The following XKR6 variants were observed in gnomAD, a reference collection of about 807,000 sequenced individuals.
The protein encoded by XKR6 is XK related 6, also known as XK-related protein 6.
XKR6 carries 22 observed loss-of-function variants against 56.7 expected under a neutral mutation model. That is an observed-to-expected ratio of 0.39 (90% CI 0.28 to 0.55). XKR6 has a LOEUF of 0.55. XKR6 is among the 20% of genes least tolerant of loss of function. The probability of loss-of-function intolerance (pLI) is 0.66; values close to 1 mark genes in which losing one functional copy is unlikely to be tolerated. For missense variants in XKR6, 852 were observed against 889.0 expected, an observed-to-expected ratio of 0.96 and a Z score of 0.53; for synonymous variants, 524 against 387.8, an observed-to-expected ratio of 1.35 and a Z score of -4.13.
chr8:11,002,314 G>A (rs1281704757), intron 1 of XKR6: 1 of 219,286 alleles, frequency 4.6e-6, no homozygotes, highest in South Asian at 5.5e-5. Context: ...TGAAGAGCTG[G>A]AATGGAAGTA....
At chr8:11,171,332 G>A (rs1196093800) in intron 1 of XKR6, among the ~76,000 whole-genome samples, 2 of 152,222 alleles carry the variant, frequency 1.3e-5, no homozygotes, top group East Asian at 1.9e-4. Context: ...ATATCCTGTC[G>A]TCTACTTAAC....
At chr8:10,975,752 C>T (rs370982191) in intron 1 of XKR6, among the ~76,000 whole-genome samples, 116 of 152,314 alleles carry the variant, frequency 7.6e-4, no homozygotes, top group Non-Finnish European at 1.1e-3. Flanking sequence ...ACCGCAAGGC[C>T]GAGTCACACT....
intron 1 of XKR6, among the ~76,000 whole-genome samples, chr8:11,110,256 A>G (rs1303929214): frequency 5.3e-5 from 8 of 152,190 alleles, no homozygotes; most frequent in Admixed American, 5.2e-4. Flanking sequence ...TACAGGCGTG[A>G]GCCACTGCGC....
At position 11,143,240 on chromosome 8, in the gene XKR6, C is replaced by A. The variant is rs1306473804; in HGVS notation, c.764+57336G>T. Among the ~76,000 whole-genome samples the A allele has an allele frequency of 3.9e-5, 6 of 152,080 alleles. No homozygotes were observed. In the East Asian group the frequency reaches 9.6e-4, roughly 24 times the overall value. On this transcript the variant is annotated intron_variant, in intron 1 of 2. Coordinates refer to ENST00000416569, the MANE Select transcript of XKR6 (RefSeq NM_173683.4). ...AGACGATACACATTCTGATAAAAAACAAACACTACTCAAAACTCTCATGAA... is the reference window on the plus strand; with the variant it reads ...AGACGATACACATTCTGATAAAAAAAAAACACTACTCAAAACTCTCATGAA...
chr8:10,993,533 G>A (rs900840836), intron 1 of XKR6, among the ~76,000 whole-genome samples: 18 of 152,230 alleles, frequency 1.2e-4, no homozygotes, highest in African/African-American at 4.3e-4. Flanking sequence ...GGGTGGACAC[G>A]CTGCAGTGCT....
chr8:11,020,805 C>T (rs1055879579), intron 1 of XKR6, among the ~76,000 whole-genome samples: 5 of 152,226 alleles, frequency 3.3e-5, no homozygotes, highest in African/African-American at 1.2e-4. Flanking sequence ...GCTGTGTGCA[C>T]TTGGGCAGGC....
At chr8:11,107,036 A>T (rs112960827) in intron 1 of XKR6, among the ~76,000 whole-genome samples, 6 of 152,040 alleles carry the variant, frequency 3.9e-5, no homozygotes, top group African/African-American at 1.4e-4. Context: ...CCCAGAGCAA[A>T]ACATGACAAT....
At chr8:11,112,165 C>G (rs1013288609) in intron 1 of XKR6, among the ~76,000 whole-genome samples, 2 of 152,126 alleles carry the variant, frequency 1.3e-5, no homozygotes, top group African/African-American at 2.4e-5. Flanking sequence ...ATAATTTGAG[C>G]CTTTAAAGTG....
chr8:11,172,805 G>A (rs1802445561), intron 1 of XKR6, among the ~76,000 whole-genome samples: 2 of 152,068 alleles, frequency 1.3e-5, no homozygotes, highest in South Asian at 2.1e-4. Flanking sequence ...AAAGCATGCA[G>A]GCCCCAAAGA....
At chr8:10,922,904 C>G (rs925189403) in intron 2 of XKR6, among the ~76,000 whole-genome samples, 1 of 152,206 alleles carries the variant, frequency 6.6e-6, no homozygotes, top group South Asian at 2.1e-4. Context: ...CAGCTGGAGC[C>G]GGACATCAAG....
At chr8:11,043,823 C>G (rs1799343905) in intron 1 of XKR6, among the ~76,000 whole-genome samples, 5 of 152,182 alleles carry the variant, frequency 3.3e-5, no homozygotes, top group Admixed American at 3.3e-4. Flanking sequence ...AGCATTAATG[C>G]CAAAGCAGAG....
chr8:10,991,182 G>C (rs1586401112), intron 1 of XKR6, among the ~76,000 whole-genome samples: 1 of 152,160 alleles, frequency 6.6e-6, no homozygotes, highest in South Asian at 2.1e-4. Flanking sequence ...GGGATTACAG[G>C]CGTGAGCCAC....
chr8:11,008,899 A>C (rs573657444), intron 1 of XKR6, among the ~76,000 whole-genome samples: 69 of 152,228 alleles, frequency 4.5e-4, no homozygotes, highest in African/African-American at 1.6e-3. Flanking sequence ...CCTGGGTCCC[A>C]TCACCCTCTA....
intron 1 of XKR6, among the ~76,000 whole-genome samples, chr8:10,962,705 A>C (rs1212413214): frequency 6.6e-6 from 1 of 151,864 alleles, no homozygotes; most frequent in Admixed American, 6.6e-5. Context: ...AGCTCATTGC[A>C]ACCTCTGTCT....
rs184806876 is a variant in XKR6, at chr8:10,990,811, G to A, written c.765-65981C>T. ...CTTCCCAGGCTGGTCTCGAACTTCT[G>A]GGCTCAAGCGATCCACCTGCCTCAG... On this transcript the variant is annotated intron_variant, in intron 1 of 2. Transcript: ENST00000416569. Among the ~76,000 whole-genome samples the A allele has an allele frequency of 1.6e-4, 25 of 151,720 alleles. No homozygotes were observed. In the East Asian group the frequency reaches 4.8e-3, roughly 29 times the overall value.
chr8:11,179,967 C>T (rs1390936474), intron 1 of XKR6, among the ~76,000 whole-genome samples: 1 of 151,838 alleles, frequency 6.6e-6, no homozygotes, highest in African/African-American at 2.4e-5. Context: ...ACCCCATCTT[C>T]ACAAAAAGCA....
chr8:10,971,662 C>T (rs1207893568), intron 1 of XKR6, among the ~76,000 whole-genome samples: 1 of 152,108 alleles, frequency 6.6e-6, no homozygotes, highest in Non-Finnish European at 1.5e-5. Context: ...TAACTACCTT[C>T]ACTTTTTGTA....
chr8:11,023,737 C>T (rs1798797035), intron 1 of XKR6, among the ~76,000 whole-genome samples: 1 of 152,196 alleles, frequency 6.6e-6, no homozygotes, highest in Non-Finnish European at 1.5e-5. Context: ...GAGTCTTTCC[C>T]CTGGCTCCAT....
chr8:11,201,470 G>A lies in XKR6; in HGVS notation c.-131C>T. On this transcript the variant is annotated 5_prime_UTR_variant, in exon 1 of 3. Coordinates refer to ENST00000416569, the MANE Select transcript of XKR6 (RefSeq NM_173683.4). ...GCGGGGAGGAAGCGGGGGAGCAAAC[G>A]AACGAGGGGGGAGTGGGCCAGGGAA... 1 of 505,812 alleles carries A rather than the reference G, an allele frequency of 2.0e-6. No homozygotes were observed. Among genetic ancestry groups the A allele is most frequent in the South Asian group, 2.1e-5 (1 of 47,344 alleles). The allele number at this position is 505,812 out of a possible 1,614,324, so 31.3% of individuals were successfully genotyped here.
Sources: gnomAD v4.1 joint callset for allele counts (sites outside exome capture counted in the v4.1 genomes callset) on GRCh38, gnomAD v4.1.1 for gene constraint, MANE v1.5 for transcripts, NCBI Gene and HGNC (gene_info 2026-07-23, HGNC 2026-07-21) for gene names.